TRIM33: variants seen among roughly 807,000 people sequenced by gnomAD.
The protein encoded by TRIM33 is E3 ubiquitin-protein ligase TRIM33.
TRIM33 carries 20 observed loss-of-function variants against 125.4 expected under a neutral mutation model. The observed-to-expected ratio is 0.16, with a 90% CI of 0.11 to 0.23. TRIM33 has a LOEUF of 0.23. Ranked by LOEUF, TRIM33 falls within the 10% of genes least tolerant of loss-of-function variation. The probability of loss-of-function intolerance (pLI) is 1.00; values close to 1 mark genes in which losing one functional copy is unlikely to be tolerated. For missense variants in TRIM33, 920 were observed against 1,411.4 expected, an observed-to-expected ratio of 0.65 and a Z score of 5.58; for synonymous variants, 564 against 513.9, an observed-to-expected ratio of 1.10 and a Z score of -1.32.
intron 11 of TRIM33, among the ~76,000 whole-genome samples, chr1:114,416,334 C>T (rs993408069): frequency 6.6e-6 from 1 of 152,162 alleles, no homozygotes; most frequent in African/African-American, 2.4e-5. Context: ...AAATATACTA[C>T]AAAACATTCC....
At chr1:114,485,962 C>T (rs1471369558) in intron 1 of TRIM33, among the ~76,000 whole-genome samples, 2 of 152,218 alleles carry the variant, frequency 1.3e-5, no homozygotes, top group Non-Finnish European at 1.5e-5. Context: ...TTTAAGGGAA[C>T]CATTATGAAA....
rs1553204104 is a variant in TRIM33 at position 114,397,606 on chromosome 1, C to CT, written c.*41_*42insA. On this transcript the variant is annotated 3_prime_UTR_variant, in exon 20 of 20. Coordinates refer to ENST00000358465, the MANE Select transcript of TRIM33 (RefSeq NM_015906.4). The stretch of plus-strand genomic sequence containing the variant: ...TTTTTTGTGTTTTTTTTTTTTTTTT[C>CT]GTTTTTTTTTTTTTAAACAATTGAT... 646 of 291,230 alleles carry CT rather than the reference C, an allele frequency of 2.2e-3. 2 individuals are homozygous for CT. The highest frequency in any genetic ancestry group is 9.6e-3 in the South Asian group (128 of 13,358). 18.0% of individuals were successfully genotyped at this position (291,230 alleles called of 1,614,324 possible).
chr1:114,418,705 C>A (rs1458813424), intron 11 of TRIM33, among the ~76,000 whole-genome samples: 2 of 152,084 alleles, frequency 1.3e-5, no homozygotes, highest in Admixed American at 6.5e-5. Context: ...TAAGATTGGC[C>A]TTTTTAGATA....
chr1:114,501,189 CAAAAA>C lies in TRIM33; in HGVS notation c.526+9357_526+9361del, dbSNP rs775867907. Among the ~76,000 whole-genome samples the C allele has an allele frequency of 8.6e-5, 2 of 23,184 alleles. 1 individual carries two copies. The allele number at this position is 23,184 out of a possible 152,430, so 15.2% of individuals were successfully genotyped here. ...TGGGCGACAGAGCGAGACTCCGTCT[CAAAAA>C]AAAAAAAAAAAAAAAAAAGAATTTG... On this transcript the variant is annotated intron_variant, in intron 1 of 19. Transcript: ENST00000358465.
chr1:114,416,867 T>C (rs1224537434), intron 11 of TRIM33, among the ~76,000 whole-genome samples: 1 of 152,162 alleles, frequency 6.6e-6, no homozygotes, highest in Non-Finnish European at 1.5e-5. Context: ...GTTACACAAT[T>C]AAACCTCTTT....
intron 4 of TRIM33, among the ~76,000 whole-genome samples, chr1:114,454,600 T>C (rs1333791329): frequency 6.6e-6 from 1 of 150,852 alleles, no homozygotes; most frequent in African/African-American, 2.4e-5. Context: ...GTGAGAGAAC[T>C]GCTTGAGCCC....
At chr1:114,474,146 C>T (rs1388655922) in intron 1 of TRIM33, among the ~76,000 whole-genome samples, 1 of 152,124 alleles carries the variant, frequency 6.6e-6, no homozygotes, top group Admixed American at 6.5e-5. Flanking sequence ...AGCAATCCTC[C>T]CGCTTCAACC....
intron 1 of TRIM33, among the ~76,000 whole-genome samples, chr1:114,486,812 G>A (rs1651729234): frequency 6.6e-6 from 1 of 152,190 alleles, no homozygotes; most frequent in South Asian, 2.1e-4. Flanking sequence ...AACAGGCCGG[G>A]TGCAGTGGCT....
At chr1:114,509,137 T>C (rs1407633460) in intron 1 of TRIM33, among the ~76,000 whole-genome samples, 3 of 152,196 alleles carry the variant, frequency 2.0e-5, no homozygotes, top group Non-Finnish European at 4.4e-5. Context: ...CTAAGTGATC[T>C]TTCTGGATCA....
chr1:114,412,762 A>G (rs992644501), intron 11 of TRIM33, among the ~76,000 whole-genome samples: 3 of 151,992 alleles, frequency 2.0e-5, no homozygotes, highest in Admixed American at 1.3e-4. Flanking sequence ...TTGCAGGTGG[A>G]TATTTGGGTT....
At chr1:114,460,561 AC>A (rs956162803) in intron 4 of TRIM33, among the ~76,000 whole-genome samples, 5 of 91,844 alleles carry the variant, frequency 5.4e-5, no homozygotes, top group Admixed American at 1.2e-4. Flanking sequence ...TGTGTTTAAC[AC>A]CCCCCGCCAC....
In TRIM33 at chr1:114,411,973, T is replaced by C. The variant is rs151163224; in HGVS notation, c.2062-1657A>G. On this transcript the variant is annotated intron_variant, in intron 11 of 19. Transcript: ENST00000358465. ...ATTTAAAAGTAAAAACACAGTCCAA[T>C]AGGAAAATGAGCAAAGATATTTCAC... Among the ~76,000 whole-genome samples, 73 of 152,146 alleles carry C rather than the reference T, an allele frequency of 4.8e-4. 1 individual carries two copies. The highest frequency in any genetic ancestry group is 1.6e-3 in the African/African-American group (65 of 41,502).
intron 1 of TRIM33, among the ~76,000 whole-genome samples, chr1:114,491,537 C>A (rs550742895): frequency 1.2e-4 from 19 of 152,216 alleles, no homozygotes; most frequent in Non-Finnish European, 2.6e-4. Flanking sequence ...TGCAGTGGCT[C>A]AAGTCTATAA....
At chr1:114,430,745 C>T (rs1572045834) in intron 6 of TRIM33, 53 bp downstream of exon 6, 1 of 941,920 alleles carries the variant, frequency 1.1e-6, no homozygotes, top group South Asian at 1.3e-5. Context: ...ACATTAAAAA[C>T]AGCTAAAGAG....
At chr1:114,411,283 A>T (rs1309992091) in intron 11 of TRIM33, among the ~76,000 whole-genome samples, 1 of 152,096 alleles carries the variant, frequency 6.6e-6, no homozygotes, top group Non-Finnish European at 1.5e-5. Flanking sequence ...GAGCTCAAGC[A>T]ATCTGCACAC....
Position 114,475,032 on chromosome 1 carries a change from A to G in TRIM33, c.527-10644T>C, listed in dbSNP as rs1203921185. On this transcript the variant is annotated intron_variant, in intron 1 of 19. Coordinates refer to ENST00000358465, the MANE Select transcript of TRIM33 (RefSeq NM_015906.4). ...TTCTCAGGAAGATATAGTTATATGC[A>G]TATGTGTACATAACAAGACAGCTTC... Among the ~76,000 whole-genome samples the G allele has an allele frequency of 2.0e-5, 3 of 152,316 alleles. No homozygotes were observed. The East Asian group carries it at 5.8e-4, about 29-fold the overall frequency.
At chr1:114,504,927 G>A (rs7535520) in intron 1 of TRIM33, among the ~76,000 whole-genome samples, 53,528 of 151,944 alleles carry the variant, frequency 0.35, 10,103 homozygotes, top group African/African-American at 0.46. Flanking sequence ...CTTTCTGTTT[G>A]CTGTGAGATA....
chr1:114,500,571 T>C (rs1249904714), intron 1 of TRIM33, among the ~76,000 whole-genome samples: 1 of 149,340 alleles, frequency 6.7e-6, no homozygotes, highest in Non-Finnish European at 1.5e-5. Context: ...AAAAGGTGAA[T>C]GGCCAAGGTT....
chr1:114,426,383 C>T (rs1195718231), intron 8 of TRIM33, among the ~76,000 whole-genome samples: 8 of 152,064 alleles, frequency 5.3e-5, no homozygotes, highest in Non-Finnish European at 2.9e-5. Context: ...TTTGCTTTTA[C>T]AACCAGTTGA....
Sources: allele counts gnomAD v4.1 joint callset (sites outside exome capture counted in the v4.1 genomes callset), GRCh38; gene constraint gnomAD v4.1.1; transcripts MANE v1.5; gene names NCBI Gene and HGNC (gene_info 2026-07-23, HGNC 2026-07-21).